Variants in MME observed in about 807,000 individuals in gnomAD.
MME encodes the protein neprilysin.
A neutral mutation model predicts 113.2 loss-of-function variants in MME; 98 were observed. The observed-to-expected ratio is 0.87, with a 90% CI of 0.74 to 1.02. The LOEUF (loss-of-function observed/expected upper bound fraction) is 1.02. MME is among the 50% of genes least tolerant of loss of function. The pLI is 0.00. For synonymous variants in MME, 292 were observed against 300.6 expected, an observed-to-expected ratio of 0.97 and a Z score of 0.30; for missense variants, 836 against 896.0, an observed-to-expected ratio of 0.93 and a Z score of 0.86.
At chr3:155,027,503 T>C (rs1282288573) in intron 1 of MME, among the ~76,000 whole-genome samples, 6 of 152,244 alleles carry the variant, frequency 3.9e-5, no homozygotes, top group African/African-American at 1.4e-4. Flanking sequence ...CCTCAGCACA[T>C]ACAGAGTGCC....
At chr3:155,068,345 G>T (rs138890875) in intron 1 of MME, among the ~76,000 whole-genome samples, 1 of 152,292 alleles carries the variant, frequency 6.6e-6, no homozygotes, top group African/African-American at 2.4e-5. Context: ...GAAGGTGACG[G>T]ATAACTTTAT....
At chr3:155,060,829 CAGAGAGAGAGAGAG>C (rs138935329) in intron 1 of MME, among the ~76,000 whole-genome samples, 1 of 137,674 alleles carries the variant, frequency 7.3e-6, no homozygotes, top group Non-Finnish European at 1.6e-5. Context: ...TGCAGAGAGG[CAGAGAGAGAGAGAG>C]AGAGAGAGAG....
chr3:155,098,275 G>A (rs1407539597), intron 3 of MME, among the ~76,000 whole-genome samples: 1 of 152,084 alleles, frequency 6.6e-6, no homozygotes, highest in Non-Finnish European at 1.5e-5. Context: ...AGAGTGGCTG[G>A]CTGGGCGCAG....
chr3:155,076,754 G>A (rs1194667382), upstream of MME, among the ~76,000 whole-genome samples: 2 of 152,146 alleles, frequency 1.3e-5, no homozygotes, highest in Non-Finnish European at 2.9e-5. Context: ...CAGGGAAAGG[G>A]GCAGAGATTT....
At position 155,084,218 on chromosome 3, in the gene MME, G is replaced by A; in HGVS notation, c.51G>A (p.Lys17=). The change falls in exon 2 of 23, where the codon AAG becomes AAA. Residue 17 remains lysine, a synonymous_variant. Transcript: ENST00000360490. ...ATATAACTGATATCAACACTCCAAA[G>A]CCAAAGAAGAAACAGCGATGGACTC... ...QMDITDINTP[K]PKKKQRWTPL... is the part of the protein sequence containing the mutation. 6.2e-7 allele frequency: 1 copy of A among 1,614,132 alleles called. No homozygotes were observed. Among genetic ancestry groups the A allele is most frequent in the Non-Finnish European group, 8.5e-7 (1 of 1,180,026 alleles).
chr3:155,043,518 G>A (rs1274137036), intron 1 of MME, among the ~76,000 whole-genome samples: 1 of 151,934 alleles, frequency 6.6e-6, no homozygotes, highest in African/African-American at 2.4e-5. Context: ...TTTTAGTAGA[G>A]ATGGGGTTTC....
chr3:155,087,961 A>G (rs1715907958), intron 3 of MME, among the ~76,000 whole-genome samples: 1 of 152,236 alleles, frequency 6.6e-6, no homozygotes, highest in African/African-American at 2.4e-5. Context: ...TGTAGCTTAG[A>G]AATCAAACCA....
At chr3:155,024,853 C>T (rs1283669969) in intron 1 of MME, among the ~76,000 whole-genome samples, 3 of 152,094 alleles carry the variant, frequency 2.0e-5, no homozygotes, top group Non-Finnish European at 4.4e-5. Flanking sequence ...TAAAAATGGT[C>T]CTGCCTATGG....
intron 16 of MME, among the ~76,000 whole-genome samples, chr3:155,155,660 A>G (rs914743171): frequency 6.6e-6 from 1 of 152,196 alleles, no homozygotes; most frequent in African/African-American, 2.4e-5. Flanking sequence ...ATGTCAAGTT[A>G]TGTAAGTACT....
chr3:155,085,948 T>C (rs975226484), intron 3 of MME, among the ~76,000 whole-genome samples: 16 of 152,334 alleles, frequency 1.1e-4, no homozygotes, highest in African/African-American at 3.6e-4. Context: ...AAGTGTACGC[T>C]TGATAGAAGG....
intron 1 of MME, among the ~76,000 whole-genome samples, chr3:155,054,502 A>G (rs1713862007): frequency 6.6e-6 from 1 of 152,146 alleles, no homozygotes; most frequent in Non-Finnish European, 1.5e-5. Flanking sequence ...TCTCCCATAT[A>G]ATTTTGTTAA....
intron 8 of MME, among the ~76,000 whole-genome samples, chr3:155,135,875 T>C (rs140875084): frequency 1.4e-3 from 211 of 152,290 alleles, no homozygotes; most frequent in African/African-American, 4.9e-3. Flanking sequence ...CTCTTAGATA[T>C]TTATGTAATG....
chr3:155,062,620 GA>G (rs1185669255), intron 1 of MME, among the ~76,000 whole-genome samples: 1 of 152,064 alleles, frequency 6.6e-6, no homozygotes, highest in African/African-American at 2.4e-5. Flanking sequence ...AAACTTTGGG[GA>G]AACAATAGGC....
At position 155,114,089 on chromosome 3, in the gene MME, T is replaced by C. The variant is rs541747174; in HGVS notation, c.197-905T>C. Among the ~76,000 whole-genome samples the C allele has an allele frequency of 4.6e-5, 7 of 152,354 alleles. No homozygotes were observed. The South Asian group carries it at 1.5e-3, about 32-fold the overall frequency. ...AAAGTGAAGTATTTTCAAAAGCTCATCTGAGAGCTTATATTCTCTTGATAC... is the reference window on the plus strand; with the variant it reads ...AAAGTGAAGTATTTTCAAAAGCTCACCTGAGAGCTTATATTCTCTTGATAC... On this transcript the variant is annotated intron_variant, in intron 3 of 22. Coordinates refer to ENST00000360490, the MANE Select transcript of MME (RefSeq NM_007289.4).
intron 3 of MME, chr3:155,085,874 T>C (rs143392388): frequency 2.0e-5 from 3 of 152,328 alleles, no homozygotes; most frequent in African/African-American, 7.2e-5. Flanking sequence ...AATTTAGATG[T>C]GGCGGTGCAG....
intron 1 of MME, among the ~76,000 whole-genome samples, chr3:155,030,707 C>G (rs1712942313): frequency 6.6e-6 from 1 of 152,110 alleles, no homozygotes; most frequent in African/African-American, 2.4e-5. Flanking sequence ...ATAGGATCAC[C>G]CCAAAGACAG....
chr3:155,177,722 A>G (rs1398117007), intron 22 of MME, among the ~76,000 whole-genome samples: 1 of 152,098 alleles, frequency 6.6e-6, no homozygotes, highest in Admixed American at 6.6e-5. Context: ...AGAAATGGAC[A>G]TTTGTTTTTT....
chr3:155,087,137 T>G (rs905748246), intron 3 of MME, among the ~76,000 whole-genome samples: 8 of 151,996 alleles, frequency 5.3e-5, no homozygotes, highest in African/African-American at 1.9e-4. Flanking sequence ...GCACCCAGTC[T>G]TGGATATTCT....
intron 1 of MME, among the ~76,000 whole-genome samples, chr3:155,033,889 G>T (rs1265739163): frequency 6.6e-6 from 1 of 151,974 alleles, no homozygotes; most frequent in East Asian, 1.9e-4. Context: ...TTCTTCCCTT[G>T]GACCAGAATA....
Sources: gnomAD v4.1 joint callset for allele counts (sites outside exome capture counted in the v4.1 genomes callset) on GRCh38, gnomAD v4.1.1 for gene constraint, MANE v1.5 for transcripts, NCBI Gene and HGNC (gene_info 2026-07-23, HGNC 2026-07-21) for gene names.